Variants in PPM1A observed in about 807,000 individuals in gnomAD.
PPM1A encodes protein phosphatase 1A.
A neutral mutation model predicts 35.0 loss-of-function variants in PPM1A; 7 were observed. The observed-to-expected ratio is 0.20, with a 90% CI of 0.11 to 0.38. PPM1A has a LOEUF of 0.38. Ranked by LOEUF, PPM1A falls within the 10% of genes least tolerant of loss-of-function variation. PPM1A has a pLI of 1.00. For synonymous variants in PPM1A, 153 were observed against 167.3 expected, an observed-to-expected ratio of 0.91 and a Z score of 0.66; for missense variants, 239 against 467.8, an observed-to-expected ratio of 0.51 and a Z score of 4.51.
intron 2 of PPM1A, among the ~76,000 whole-genome samples, chr14:60,284,129 C>T (rs1032481605): frequency 1.3e-5 from 2 of 152,140 alleles, no homozygotes; most frequent in African/African-American, 4.8e-5. Context: ...ATTATCTTGT[C>T]TCATGGCGTT....
chr14:60,283,260 G>A lies in PPM1A; in HGVS notation c.557G>A (p.Arg186His). Residue 186 changes from arginine (R) to histidine (H), a missense_variant, in exon 2 of 6, where the codon CGT (arginine) becomes CAT (histidine). Physicochemically the swap from Arg to His is conservative, Grantham distance 29. This residue lies in a region of PPM1A where 175 missense variants were observed against 389.2 expected (regional missense o/e 0.45). Transcript: ENST00000395076. The surrounding 1 kb of genome is among the most constrained non-coding windows in gnomAD (Gnocchi z 6.3). The part of the protein sequence containing the change: ...QNAGGSVMIQ[R>H]VNGSLAVSRA... ...GCAGGTGGCTCTGTAATGATTCAGC[G>A]TGTGAATGGCTCTCTGGCTGTATCG... 6.2e-7 allele frequency: 1 copy of A among 1,614,206 alleles called. No homozygotes were observed. The highest frequency in any genetic ancestry group is 8.5e-7 in the Non-Finnish European group (1 of 1,180,048).
intron 3 of PPM1A, chr14:60,287,842 C>G (rs1388901151): frequency 1.7e-5 from 17 of 984,216 alleles, no homozygotes; most frequent in Non-Finnish European, 2.1e-5. Context: ...ATCTTTGCTA[C>G]TGACTACCTT....
chr14:60,247,196 CTCTGA>C (rs1881833626), upstream of PPM1A, among the ~76,000 whole-genome samples: 1 of 152,294 alleles, frequency 6.6e-6, no homozygotes, highest in South Asian at 2.1e-4. Flanking sequence ...TTTCAAAGAT[CTCTGA>C]TCTAATTTCT....
At chr14:60,275,668 T>G (rs1269752992) in intron 1 of PPM1A, among the ~76,000 whole-genome samples, 1 of 151,810 alleles carries the variant, frequency 6.6e-6, no homozygotes, top group Admixed American at 6.6e-5. Context: ...TTTTACAGAG[T>G]CACGCTATTT....
intron 3 of PPM1A, chr14:60,287,132 T>A: frequency 2.1e-6 from 2 of 943,596 alleles, no homozygotes; most frequent in Non-Finnish European, 1.3e-6. Context: ...TATTTTAATA[T>A]TTTTACTATG....
At chr14:60,265,124 T>C (rs1201039795) in intron 1 of PPM1A, among the ~76,000 whole-genome samples, 1 of 152,210 alleles carries the variant, frequency 6.6e-6, no homozygotes, top group Non-Finnish European at 1.5e-5. Context: ...ACCACATCTT[T>C]ATATTGGAGG....
In PPM1A at chr14:60,249,530, C is replaced by A. The variant is rs1026162395; in HGVS notation, c.-168C>A. On this transcript the variant is annotated 5_prime_UTR_variant, in exon 1 of 6. Coordinates refer to ENST00000395076, the MANE Select transcript of PPM1A (RefSeq NM_021003.5). This position sits in a 1 kb window ranked among gnomAD's most constrained non-coding sequence, Gnocchi z 4.5. Reference sequence around the variant, plus strand: ...GACGCAGCCCGGCTCCTCCCCTCCTCCGCCCCTTCCCCAGCCTGACCTGGC... The same window carrying A: ...GACGCAGCCCGGCTCCTCCCCTCCTACGCCCCTTCCCCAGCCTGACCTGGC... 1 of 985,132 alleles carries A rather than the reference C, an allele frequency of 1.0e-6. No individual in the cohort carries two copies. The highest frequency in any genetic ancestry group is 1.8e-5 in the African/African-American group (1 of 57,118). 61.0% of individuals were successfully genotyped at this position (985,132 alleles called of 1,614,324 possible).
intron 4 of PPM1A, among the ~76,000 whole-genome samples, chr14:60,290,644 C>G (rs2139590146): frequency 6.6e-6 from 1 of 152,192 alleles, no homozygotes; most frequent in South Asian, 2.1e-4. Flanking sequence ...GTGAAGACTT[C>G]TTGTACTTAC....
At chr14:60,285,791 A>G (rs377421049) in intron 3 of PPM1A, 50 bp downstream of exon 3, 97 of 1,596,792 alleles carry the variant, frequency 6.1e-5, no homozygotes, top group Non-Finnish European at 1.1e-5. Flanking sequence ...AAAATCTTCA[A>G]CACAATCAAA....
Position 60,294,876 on chromosome 14 carries a change from T to TA in PPM1A, c.*2395dup, listed in dbSNP as rs1887934162. ...AGCACTGCCATACTAATAATTTTTTTACTATAAAAATACAGGAAGGAAGTA... is the reference window on the plus strand; with the variant it reads ...AGCACTGCCATACTAATAATTTTTTTAACTATAAAAATACAGGAAGGAAGTA... On this transcript the variant is annotated 3_prime_UTR_variant, in exon 6 of 6. Transcript: ENST00000395076. The TA allele has an allele frequency of 6.6e-6, 1 of 151,842 alleles. No individual in the cohort carries two copies. Among genetic ancestry groups the TA allele is most frequent in the Non-Finnish European group, 1.5e-5 (1 of 67,812 alleles). The allele number at this position is 151,842 out of a possible 1,614,324, so 9.4% of individuals were successfully genotyped here. A position where few individuals can be genotyped will look rare whatever the true frequency, so the allele number is the denominator to read the frequency against.
At position 60,297,183 on chromosome 14, in the gene PPM1A, T is replaced by G. The variant is rs1322930524; in HGVS notation, c.*4701T>G. 1 of 151,658 alleles carries G rather than the reference T, an allele frequency of 6.6e-6. No individual in the cohort carries two copies. Among genetic ancestry groups the G allele is most frequent in the Non-Finnish European group, 1.5e-5 (1 of 67,694 alleles). The allele number at this position is 151,658 out of a possible 1,614,324, so 9.4% of individuals were successfully genotyped here. A position where few individuals can be genotyped will look rare whatever the true frequency, so the allele number is the denominator to read the frequency against. ...TTCTTGAGCAAGAAAGCTTAGTGTG[T>G]TACTTCATCAAGGCCAGCTAATACT... On this transcript the variant is annotated 3_prime_UTR_variant, in exon 6 of 6. Transcript: ENST00000395076.
intron 3 of PPM1A, chr14:60,288,436 C>T (rs930828991): frequency 6.8e-5 from 67 of 984,010 alleles, no homozygotes; most frequent in Middle Eastern, 5.2e-4. Context: ...TGAAATTGTG[C>T]AGTTTAGGTA....
chr14:60,263,231 C>T (rs1484748458), intron 1 of PPM1A, among the ~76,000 whole-genome samples: 1 of 152,020 alleles, frequency 6.6e-6, no homozygotes. Context: ...AAAAAAGTTC[C>T]TGGGCTTCAA....
At chr14:60,262,659 C>G (rs539251638) in intron 1 of PPM1A, among the ~76,000 whole-genome samples, 19 of 152,320 alleles carry the variant, frequency 1.2e-4, no homozygotes, top group African/African-American at 4.3e-4. Flanking sequence ...GCACTATAGC[C>G]TGGGTGACAG....
At chr14:60,247,577 C>CAG (rs1881866303), upstream of PPM1A, among the ~76,000 whole-genome samples, 2 of 138,536 alleles carry the variant, frequency 1.4e-5, no homozygotes, top group Admixed American at 7.7e-5. Context: ...TTGCAGTGAG[C>CAG]CGAGATTGTG....
Position 60,289,332 on chromosome 14 carries a change from A to G in PPM1A, c.953-474A>G, listed in dbSNP as rs1887378065. ...AAATATAAATATATACATAAAAATAATTGAGTTAGTATATAATCTATAAAT... is the reference window on the plus strand; with the variant it reads ...AAATATAAATATATACATAAAAATAGTTGAGTTAGTATATAATCTATAAAT... On this transcript the variant is annotated intron_variant, in intron 3 of 5. Transcript: ENST00000395076. The surrounding 1 kb of genome is among the most constrained non-coding windows in gnomAD (Gnocchi z 4.1). 1.3e-5 allele frequency among the ~76,000 whole-genome samples: 2 copies of G among 152,124 alleles called. No homozygotes were observed. The highest frequency in any genetic ancestry group is 6.5e-5 in the Admixed American group (1 of 15,280).
chr14:60,278,798 G>GT (rs1382436904), intron 1 of PPM1A, among the ~76,000 whole-genome samples: 1 of 152,090 alleles, frequency 6.6e-6, no homozygotes, highest in Non-Finnish European at 1.5e-5. Context: ...GTCTTCTTTT[G>GT]TTTTTTAGGA....
intron 1 of PPM1A, among the ~76,000 whole-genome samples, chr14:60,267,612 T>G (rs548411456): frequency 2.0e-5 from 3 of 152,224 alleles, no homozygotes; most frequent in African/African-American, 7.2e-5. Flanking sequence ...TATAGATAAC[T>G]TAGGTAATTT....
chr14:60,251,140 A>T (rs1229586872), intron 1 of PPM1A, among the ~76,000 whole-genome samples: 1 of 152,266 alleles, frequency 6.6e-6, no homozygotes, highest in Non-Finnish European at 1.5e-5. Context: ...CAGTCATGTA[A>T]GGATGATTAC....
Sources: allele counts gnomAD v4.1 joint callset (sites outside exome capture counted in the v4.1 genomes callset), GRCh38; gene constraint gnomAD v4.1.1; regional missense constraint gnomAD v4.1.1; non-coding constraint Gnocchi (gnomAD v3.1); transcripts MANE v1.5; gene names NCBI Gene and HGNC (gene_info 2026-07-23, HGNC 2026-07-21).